Variants in RAD9A observed in about 807,000 individuals in gnomAD.
RAD9A encodes cell cycle checkpoint control protein RAD9A.
Under a neutral mutation model 41.2 loss-of-function variants are expected in RAD9A, and 25 were observed. That is an observed-to-expected ratio of 0.61 (90% CI 0.44 to 0.85). RAD9A has a LOEUF of 0.85. Among genes scored for constraint, RAD9A ranks in the 40% least tolerant of loss-of-function variants. The pLI is 0.00. For missense variants in RAD9A, 514 were observed against 518.3 expected (o/e 0.99, Z 0.08); for synonymous variants, 252 against 210.6 (o/e 1.20, Z -1.70).
intron 5 of RAD9A, among the ~76,000 whole-genome samples, chr11:67,394,044 A>C (rs968020778): frequency 1.3e-5 from 2 of 152,126 alleles, no homozygotes; most frequent in Non-Finnish European, 2.9e-5. Flanking sequence ...TCCATCCCAA[A>C]GGTCTGACTT....
chr11:67,395,620 CGTGCGTGTGCA>C, intron 5 of RAD9A, 85 bp from the exon 6 acceptor site: 1 of 912,786 alleles, frequency 1.1e-6, no homozygotes, highest in East Asian at 2.6e-5. Context: ...TGCGCACATC[CGTGCGTGTGCA>C]TGTGTCACCC....
intron 5 of RAD9A, among the ~76,000 whole-genome samples, chr11:67,394,624 CTT>C (rs111881362): frequency 1.2e-3 from 163 of 138,462 alleles, no homozygotes; most frequent in African/African-American, 2.4e-3. Context: ...AGGGTGGTGT[CTT>C]TTTTTTTTTT....
At position 67,392,248 on chromosome 11, in the gene RAD9A, T is replaced by TGGGGTTTGGGTGG; in HGVS notation, c.105+21_105+22insTTTGGGTGGGGGG. 1.6e-5 allele frequency: 5 copies of TGGGGTTTGGGTGG among 321,834 alleles called. No individual in the cohort carries two copies. Among genetic ancestry groups the TGGGGTTTGGGTGG allele is most frequent in the East Asian group, 1.4e-4 (2 of 14,224 alleles). The allele number at this position is 321,834 out of a possible 1,614,324, so 19.9% of individuals were successfully genotyped here. On this transcript the variant is annotated intron_variant, in intron 2 of 10. Transcript: ENST00000307980. Reference sequence around the variant, plus strand: ...GAGGACGGGGTGAGGGGCTAGGGTGTGGGGGGCGGGTGGGACTCCAGCCGG... The same window carrying TGGGGTTTGGGTGG: ...GAGGACGGGGTGAGGGGCTAGGGTGTGGGGTTTGGGTGGGGGGGGCGGGTGGGACTCCAGCCGG...
chr11:67,392,977 C>T (rs1027789548), intron 3 of RAD9A, 195 bp downstream of exon 3: 1 of 852,226 alleles, frequency 1.2e-6, no homozygotes, highest in African/African-American at 1.7e-5. Flanking sequence ...TCAAGTTCGT[C>T]AAGAAAGGTA....
rs1242522009 is a variant in RAD9A at position 67,398,045 on chromosome 11, G to C, written c.*486G>C. 1 of 199,012 alleles carries C rather than the reference G, an allele frequency of 5.0e-6. No homozygotes were observed. The highest frequency in any genetic ancestry group is 5.4e-5 in the Admixed American group (1 of 18,568). 12.3% of individuals were successfully genotyped at this position (199,012 alleles called of 1,614,324 possible). On this transcript the variant is annotated 3_prime_UTR_variant, in exon 11 of 11. Transcript: ENST00000307980. ...TGCTTTCCTGATACTCTTTGGCGCT[G>C]ACTTGGAATTCTAAGAGCCTTGGAC...
At position 67,393,554 on chromosome 11, in the gene RAD9A, G is replaced by T. The variant is rs1374582121; in HGVS notation, c.293G>T (p.Cys98Phe). Residue 98 changes from cysteine (C) to phenylalanine (F), a missense_variant, in exon 4 of 11, where the codon TGC (cysteine) becomes TTC (phenylalanine). Cys to Phe is a radical substitution (Grantham distance 205, BLOSUM62 -2). Coordinates refer to ENST00000307980, the MANE Select transcript of RAD9A (RefSeq NM_004584.3). ...AMLEKTVEKCCISLNGRSSRL... is the reference protein window; with the variant it reads ...AMLEKTVEKCFISLNGRSSRL... ...CTGGAGAAGACGGTGGAAAAATGCT[G>T]CATCTCCCTGAATGGCCGGAGCAGC... 6.2e-7 allele frequency: 1 copy of T among 1,614,092 alleles called. No homozygotes were observed. Among genetic ancestry groups the T allele is most frequent in the Non-Finnish European group, 8.5e-7 (1 of 1,180,048 alleles).
chr11:67,393,263 G>C, intron 3 of RAD9A: 1 of 1,217,580 alleles, frequency 8.2e-7, no homozygotes. Context: ...CTGGGTGACA[G>C]AGCGAGACTC....
At position 67,398,367 on chromosome 11, in the gene RAD9A, A is replaced by G. The variant is rs1159750150; in HGVS notation, c.*808A>G. On this transcript the variant is annotated 3_prime_UTR_variant, in exon 11 of 11. Coordinates refer to ENST00000307980, the MANE Select transcript of RAD9A (RefSeq NM_004584.3). Reference sequence around the variant, plus strand: ...TGCAGGCAGGAAGCAGCCCTGGGGGACTGGACGCTGCTATTGATTCATTAA... The same window carrying G: ...TGCAGGCAGGAAGCAGCCCTGGGGGGCTGGACGCTGCTATTGATTCATTAA... The G allele has an allele frequency of 2.9e-6, 2 of 686,358 alleles. No homozygotes were observed. The highest frequency in any genetic ancestry group is 4.8e-6 in the Non-Finnish European group (2 of 418,260). 42.5% of individuals were successfully genotyped at this position (686,358 alleles called of 1,614,324 possible).
At position 67,392,037 on chromosome 11, in the gene RAD9A, G is replaced by A. The variant is rs759689038; in HGVS notation, c.-8G>A. ...CAGTGTTGGCCGCTGGCGGAGCGCT[G>A]GGGCAGCATGAAGTGCCTGGTCACG... On this transcript the variant is annotated 5_prime_UTR_variant, in exon 1 of 11. Transcript: ENST00000307980. 1.1e-5 allele frequency: 17 copies of A among 1,565,508 alleles called. No homozygotes were observed. Among genetic ancestry groups the A allele is most frequent in the African/African-American group, 2.7e-5 (2 of 73,720 alleles).
chr11:67,392,258 GT>G, intron 2 of RAD9A, 27 bp downstream of exon 2: 1 of 1,319,218 alleles, frequency 7.6e-7, no homozygotes, highest in Non-Finnish European at 1.1e-6. Flanking sequence ...TGGGGGGCGG[GT>G]GGGACTCCAG....
intron 9 of RAD9A, 119 bp downstream of exon 9, chr11:67,396,519 A>C (rs145520917): frequency 1.5e-6 from 2 of 1,295,548 alleles, no homozygotes; most frequent in South Asian, 1.4e-5. Context: ...TTCTCTTTCT[A>C]TCAGGCCCCA....
chr11:67,395,427 G>A (rs1862653312), intron 5 of RAD9A: 2 of 466,922 alleles, frequency 4.3e-6, no homozygotes, highest in Admixed American at 3.9e-5. Flanking sequence ...TATCCTTAGA[G>A]GATAAGGATT....
At chr11:67,394,468 A>G (rs1466857675) in intron 5 of RAD9A, among the ~76,000 whole-genome samples, 1 of 152,140 alleles carries the variant, frequency 6.6e-6, no homozygotes, top group Non-Finnish European at 1.5e-5. Context: ...CTTGCATTCA[A>G]GTGGCCCAAG....
chr11:67,397,014 CA>C (rs1251979850), intron 9 of RAD9A, among the ~76,000 whole-genome samples, 164 bp from the exon 10 acceptor site: 5 of 152,170 alleles, frequency 3.3e-5, no homozygotes, highest in Non-Finnish European at 7.4e-5. Flanking sequence ...TCCAGGAAGT[CA>C]CCACTTAACC....
Position 67,397,529 on chromosome 11 carries a change from G to C in RAD9A, c.1146G>C (p.Val382=), listed in dbSNP as rs757761838. 2 of 1,610,760 alleles carry C rather than the reference G, an allele frequency of 1.2e-6. No individual in the cohort carries two copies. The highest frequency in any genetic ancestry group is 1.7e-6 in the Non-Finnish European group (2 of 1,177,928). Residue 382 remains valine, a synonymous_variant, in exon 11 of 11, where the codon GTG becomes GTC. Coordinates refer to ENST00000307980, the MANE Select transcript of RAD9A (RefSeq NM_004584.3). ...GCTCCCCCCAGGGCCCCAGCCCTGT[G>C]CTGGCGGAAGACAGTGAGGGTGAAG... ...PVRSPQGPSP[V]LAEDSEGEG
chr11:67,397,367 G>T lies in RAD9A; in HGVS notation c.1061G>T (p.Gly354Val). The change falls in exon 10 of 11, where the codon GGG (glycine) becomes GTG (valine). Residue 354 changes from glycine to valine, a missense_variant. Gly to Val is a moderately radical substitution (Grantham distance 109). Coordinates refer to ENST00000307980, the MANE Select transcript of RAD9A (RefSeq NM_004584.3). ...EDEAEPSTVP[G>V]TPPPKKFRSL... is the part of the protein sequence containing the mutation. ...GAGGCTGAGCCCAGTACAGTGCCTG[G>T]GACTCCCCCACCCAAGAAGGTAGGG... The T allele has an allele frequency of 6.2e-7, 1 of 1,603,530 alleles. No homozygotes were observed. The highest frequency in any genetic ancestry group is 2.2e-5 in the East Asian group (1 of 44,660).
intron 3 of RAD9A, 183 bp downstream of exon 3, chr11:67,392,965 G>A: frequency 1.1e-6 from 1 of 911,034 alleles, no homozygotes; most frequent in South Asian, 1.7e-5. Flanking sequence ...GGGTGGTGAC[G>A]CTCAAGTTCG....
chr11:67,396,252 C>G lies in RAD9A; in HGVS notation c.735-11C>G. 6.2e-7 allele frequency: 1 copy of G among 1,613,972 alleles called. No homozygotes were observed. The highest frequency in any genetic ancestry group is 8.5e-7 in the Non-Finnish European group (1 of 1,179,974). ...TGGGATGACCTAGCTTGGGCCCCCTCCCCTGCCCAGGCCCGCCATCTTCAC... is the reference window on the plus strand; with the variant it reads ...TGGGATGACCTAGCTTGGGCCCCCTGCCCTGCCCAGGCCCGCCATCTTCAC... On this transcript the variant is annotated splice_polypyrimidine_tract_variant and intron_variant, in intron 8 of 10. Transcript: ENST00000307980.
At chr11:67,395,620 C>T (rs556295355) in intron 5 of RAD9A, 96 bp from the exon 6 acceptor site, 13 of 912,786 alleles carry the variant, frequency 1.4e-5, no homozygotes, top group African/African-American at 6.7e-5. Flanking sequence ...TGCGCACATC[C>T]GTGCGTGTGC....
Sources: allele counts gnomAD v4.1 joint callset (sites outside exome capture counted in the v4.1 genomes callset), GRCh38; gene constraint gnomAD v4.1.1; transcripts MANE v1.5; gene names NCBI Gene and HGNC (gene_info 2026-07-23, HGNC 2026-07-21).